The following TRAPPC11 variants were observed in gnomAD, a reference collection of about 807,000 sequenced individuals.
TRAPPC11 encodes foie gras homolog.
TRAPPC11 carries 104 observed loss-of-function variants against 151.2 expected under a neutral mutation model. The observed-to-expected ratio is 0.69, with a 90% confidence interval of 0.59 to 0.81. The LOEUF (loss-of-function observed/expected upper bound fraction) is 0.81. Ranked by LOEUF, TRAPPC11 falls within the 30% of genes least tolerant of loss-of-function variation. The pLI is 0.00. For missense variants in TRAPPC11, 1,230 were observed against 1,349.6 expected (o/e 0.91, Z 1.39); for synonymous variants, 456 against 472.3 (o/e 0.97, Z 0.45).
At position 183,711,364 on chromosome 4, in the gene TRAPPC11, C is replaced by T. The variant is rs116068864; in HGVS notation, c.3358-1236C>T. 3.3e-3 allele frequency among the ~76,000 whole-genome samples: 503 copies of T among 152,328 alleles called. 3 individuals carry two copies. Among genetic ancestry groups the T allele is most frequent in the African/African-American group, 0.011 (453 of 41,562 alleles). On this transcript the variant is annotated intron_variant, in intron 29 of 29. Transcript: ENST00000334690. ...TAGCGACTGCCATACCAGACAGTGA[C>T]GTCCTAGGCAAGGATGAATCCATAC...
At chr4:183,680,502 G>A (rs1735622222) in intron 10 of TRAPPC11, among the ~76,000 whole-genome samples, 1 of 152,092 alleles carries the variant, frequency 6.6e-6, no homozygotes, top group South Asian at 2.1e-4. Flanking sequence ...GTAAGTTAGT[G>A]ACTATTTAGA....
At chr4:183,707,847 G>A (rs1052042699) in intron 28 of TRAPPC11, among the ~76,000 whole-genome samples, 9 of 151,776 alleles carry the variant, frequency 5.9e-5, no homozygotes, top group East Asian at 1.9e-4. Flanking sequence ...TACATAAATC[G>A]TAGGAAATAT....
chr4:183,672,586 T>A (rs1735205897), intron 5 of TRAPPC11, among the ~76,000 whole-genome samples: 1 of 152,228 alleles, frequency 6.6e-6, no homozygotes, highest in African/African-American at 2.4e-5. Flanking sequence ...AATTAAAAAG[T>A]GGAAGCCTTA....
rs146718854 is a variant in TRAPPC11 at position 183,693,671 on chromosome 4, G to A, written c.2320G>A (p.Val774Met). The A allele has an allele frequency of 4.3e-6, 7 of 1,613,938 alleles. No homozygotes were observed. Among genetic ancestry groups the A allele is most frequent in the Non-Finnish European group, 5.9e-6 (7 of 1,180,024 alleles). ...GACTAATGAAATGTATTGTTTGGTT[G>A]TGACTGTTCAGTCCCATGAAAAGAC... is the stretch of plus-strand genomic sequence containing the variant. ...ALTNEMYCLV[V>M]TVQSHEKTQI... The change falls in exon 21 of 30, where the codon GTG becomes ATG. Residue 774 changes from valine (V) to methionine (M), a missense_variant. Transcript: ENST00000334690.
chr4:183,694,101 G>A, intron 22 of TRAPPC11, 63 bp downstream of exon 22: 1 of 1,575,492 alleles, frequency 6.3e-7, no homozygotes, highest in Non-Finnish European at 8.7e-7. Context: ...AATATATAGT[G>A]AGTTTTTAAC....
chr4:183,691,222 T>C, intron 18 of TRAPPC11, 94 bp from the exon 19 acceptor site: 1 of 977,958 alleles, frequency 1.0e-6, no homozygotes, highest in South Asian at 3.5e-5. Flanking sequence ...AATGCTTCAG[T>C]GTTTGTGGAG....
intron 8 of TRAPPC11, 21 bp from the exon 9 acceptor site, chr4:183,679,332 G>T: frequency 1.3e-6 from 2 of 1,527,388 alleles, no homozygotes; most frequent in Middle Eastern, 1.8e-4. Context: ...TTTATTTTGG[G>T]ATCAATTTTA....
intron 26 of TRAPPC11, among the ~76,000 whole-genome samples, chr4:183,704,184 G>A (rs1736936592): frequency 6.6e-6 from 1 of 152,220 alleles, no homozygotes; most frequent in African/African-American, 2.4e-5. Flanking sequence ...ACTCAGAAGT[G>A]TGATTTTAAA....
Position 183,685,484 on chromosome 4 carries a change from T to C in TRAPPC11, c.1762+81T>C, listed in dbSNP as rs148166003. 4.3e-5 allele frequency: 63 copies of C among 1,470,188 alleles called. No homozygotes were observed. In the African/African-American group the frequency reaches 8.1e-4, roughly 19 times the overall value. 91.1% of individuals were successfully genotyped at this position (1,470,188 alleles called of 1,614,324 possible). The stretch of plus-strand genomic sequence containing the variant: ...ATGAATAGGTGCAGAATAATAAATA[T>C]AAAAGTCAAGAAAGAGTTTTCAAAG... On this transcript the variant is annotated intron_variant, in intron 17 of 29. Transcript: ENST00000334690.
chr4:183,685,169 A>T, intron 16 of TRAPPC11, 24 bp downstream of exon 16: 1 of 1,612,514 alleles, frequency 6.2e-7, no homozygotes, highest in Non-Finnish European at 8.5e-7. Flanking sequence ...GTTTATATAG[A>T]GTGTGTTATT....
At chr4:183,668,201 A>G (rs1734977642) in intron 5 of TRAPPC11, 84 bp downstream of exon 5, 1 of 736,968 alleles carries the variant, frequency 1.4e-6, no homozygotes. Context: ...TATTTTTTTA[A>G]AAAATCATGT....
chr4:183,674,174 G>A (rs891247877), intron 5 of TRAPPC11, among the ~76,000 whole-genome samples: 7 of 152,116 alleles, frequency 4.6e-5, no homozygotes, highest in African/African-American at 1.4e-4. Flanking sequence ...AGCACTTTGG[G>A]AGGCCAAGGT....
rs112543210 is a variant in TRAPPC11, at chr4:183,705,615, C to T, written c.3055+545C>T. On this transcript the variant is annotated intron_variant, in intron 27 of 29. Transcript: ENST00000334690. The stretch of plus-strand genomic sequence containing the variant: ...CTCTACCACTTTGTCCATCTCCTCC[C>T]TCCCCGCATCTCTTCCTTGCTGAAG... Among the ~76,000 whole-genome samples the T allele has an allele frequency of 2.4e-3, 367 of 152,270 alleles. 1 individual carries two copies. Among genetic ancestry groups the T allele is most frequent in the African/African-American group, 8.4e-3 (347 of 41,538 alleles).
intron 10 of TRAPPC11, among the ~76,000 whole-genome samples, chr4:183,682,027 GT>G (rs1291008691): frequency 6.6e-6 from 1 of 152,114 alleles, no homozygotes; most frequent in Non-Finnish European, 1.5e-5. Context: ...GAAAAATAAT[GT>G]TTTAGAAGAA....
At chr4:183,686,265 T>C (rs1413424829) in intron 17 of TRAPPC11, among the ~76,000 whole-genome samples, 4 of 152,124 alleles carry the variant, frequency 2.6e-5, no homozygotes, top group Admixed American at 2.6e-4. Flanking sequence ...GCCTCCCTAG[T>C]AGCTGGGATT....
Position 183,701,759 on chromosome 4 carries a change from A to G in TRAPPC11, c.2914A>G (p.Asn972Asp). Reference sequence around the variant, plus strand: ...TTGTCTTCAATGCCCATCTCTTGGAAATATTGAAGGTGGAGTAGCAACCGG... The same window carrying G: ...TTGTCTTCAATGCCCATCTCTTGGAGATATTGAAGGTGGAGTAGCAACCGG... Reference protein sequence around the residue: ...CFCLQCPSLGNIEGGVATGHY... With the variant: ...CFCLQCPSLGDIEGGVATGHY... Residue 972 changes from asparagine to aspartate, a missense_variant, in exon 26 of 30, where the codon AAT becomes GAT. Transcript: ENST00000334690. The G allele has an allele frequency of 6.2e-7, 1 of 1,614,052 alleles. No individual in the cohort carries two copies. The highest frequency in any genetic ancestry group is 8.5e-7 in the Non-Finnish European group (1 of 1,179,950).
chr4:183,683,948 A>T (rs1438676186), intron 11 of TRAPPC11, 27 bp from the exon 12 acceptor site: 27 of 1,592,710 alleles, frequency 1.7e-5, no homozygotes, highest in East Asian at 2.2e-5. Flanking sequence ...GAGCTGTCTA[A>T]AATGAGTTGT....
In TRAPPC11 at chr4:183,679,331, G is replaced by A. The variant is rs113851701; in HGVS notation, c.832-22G>A. On this transcript the variant is annotated intron_variant, in intron 8 of 29. Coordinates refer to ENST00000334690, the MANE Select transcript of TRAPPC11 (RefSeq NM_021942.6). ...GACTTTCTTTTTTTCCTTTATTTTG[G>A]GATCAATTTTACATTTTGCAGATCT... is the stretch of plus-strand genomic sequence containing the variant. 7.4e-3 allele frequency: 11,223 copies of A among 1,524,154 alleles called. 751 individuals carry two copies. The African/African-American group carries it at 0.14, about 19-fold the overall frequency. The allele number at this position is 1,524,154 out of a possible 1,614,324, so 94.4% of individuals were successfully genotyped here.
At chr4:183,685,678 G>T (rs879680189) in intron 17 of TRAPPC11, among the ~76,000 whole-genome samples, 3 of 152,146 alleles carry the variant, frequency 2.0e-5, no homozygotes, top group African/African-American at 7.2e-5. Context: ...GTGCTTTACT[G>T]TCTAGGTAGG....
Sources: gnomAD v4.1 joint callset for allele counts (sites outside exome capture counted in the v4.1 genomes callset) on GRCh38, gnomAD v4.1.1 for gene constraint, MANE v1.5 for transcripts, NCBI Gene and HGNC (gene_info 2026-07-23, HGNC 2026-07-21) for gene names.